MROH9: variants seen among roughly 807,000 people sequenced by gnomAD.
The protein encoded by MROH9 is maestro heat-like repeat-containing protein family member 9.
A neutral mutation model predicts 98.2 loss-of-function variants in MROH9; 92 were observed. The ratio of observed to expected loss-of-function variants is 0.94; its 90% CI spans 0.79 to 1.11. The LOEUF (loss-of-function observed/expected upper bound fraction) is 1.11, where lower values mean the gene tolerates loss of function less well. MROH9 is among the 50% of genes most tolerant of loss of function. The pLI is 0.00. For synonymous variants in MROH9, 397 were observed against 368.9 expected (o/e 1.08, Z -0.87); for missense variants, 1,057 against 1,014.8 (o/e 1.04, Z -0.57).
rs777986846 is a variant in MROH9 at position 170,983,548 on chromosome 1, C to T, written c.729+14C>T. ...AAAATAGCTCAGGTAACTTAGCCCC[C>T]ACTTTTTCCGAGGGCTTTTGTTTAT... is the stretch of plus-strand genomic sequence containing the variant. On this transcript the variant is annotated intron_variant, in intron 9 of 21. Coordinates refer to ENST00000367759, the MANE Select transcript of MROH9 (RefSeq NM_001163629.2). 2.7e-6 allele frequency: 4 copies of T among 1,498,374 alleles called. No individual in the cohort carries two copies. The highest frequency in any genetic ancestry group is 1.7e-4 in the Middle Eastern group (1 of 5,870). 92.8% of individuals were successfully genotyped at this position (1,498,374 alleles called of 1,614,324 possible).
In MROH9 at chr1:170,943,217, T is replaced by G. The variant is rs111636552; in HGVS notation, c.-37-2303T>G. 4.9e-3 allele frequency among the ~76,000 whole-genome samples: 743 copies of G among 152,136 alleles called. 8 individuals carry two copies. Among genetic ancestry groups the G allele is most frequent in the African/African-American group, 0.017 (707 of 41,512 alleles). On this transcript the variant is annotated intron_variant, in intron 1 of 21. Transcript: ENST00000367759. ...TAATGGAGTGATTTTATCTATAAAATGTGATTTCAAAGTAGATATATAAGA... is the reference window on the plus strand; with the variant it reads ...TAATGGAGTGATTTTATCTATAAAAGGTGATTTCAAAGTAGATATATAAGA...
intron 8 of MROH9, among the ~76,000 whole-genome samples, chr1:170,981,929 A>G (rs1207292862): frequency 6.6e-6 from 1 of 152,170 alleles, no homozygotes; most frequent in Non-Finnish European, 1.5e-5. Context: ...CTAAAATTAA[A>G]AAGACTGATT....
At chr1:171,018,363 A>C (rs374201602) in intron 17 of MROH9, among the ~76,000 whole-genome samples, 64 of 152,028 alleles carry the variant, frequency 4.2e-4, no homozygotes, top group African/African-American at 1.2e-3. Flanking sequence ...GCACCAACAA[A>C]AAAAAAAAAG....
intron 15 of MROH9, among the ~76,000 whole-genome samples, chr1:171,002,007 CTT>C (rs1469533275): frequency 6.6e-6 from 1 of 152,076 alleles, no homozygotes; most frequent in Non-Finnish European, 1.5e-5. Flanking sequence ...ATCTTTGTCT[CTT>C]TTAACCACTG....
chr1:170,994,582 C>T (rs947079984), intron 12 of MROH9, among the ~76,000 whole-genome samples: 5 of 152,036 alleles, frequency 3.3e-5, no homozygotes, highest in African/African-American at 7.2e-5. Flanking sequence ...GTACCCATCC[C>T]GTCAAGCATT....
At chr1:170,946,677 A>G (rs193179875) in intron 2 of MROH9, among the ~76,000 whole-genome samples, 125 of 152,134 alleles carry the variant, frequency 8.2e-4, no homozygotes, top group African/African-American at 3.0e-3. Context: ...TTTTTTTAAA[A>G]AAAGAATCAA....
chr1:171,001,461 T>C (rs1651779081), intron 15 of MROH9, among the ~76,000 whole-genome samples: 1 of 152,146 alleles, frequency 6.6e-6, no homozygotes. Flanking sequence ...TGTAATTCAG[T>C]GCAAAAACTT....
intron 20 of MROH9, among the ~76,000 whole-genome samples, chr1:171,055,128 C>A (rs74647449): frequency 0.025 from 3,833 of 151,446 alleles, 158 homozygotes; most frequent in African/African-American, 0.086. Flanking sequence ...CGTCAATCAA[C>A]AAATGGATAA....
chr1:170,972,134 G>A (rs1023401670), intron 8 of MROH9, among the ~76,000 whole-genome samples: 1 of 152,170 alleles, frequency 6.6e-6, no homozygotes, highest in African/African-American at 2.4e-5. Flanking sequence ...GTAGGGAGAG[G>A]AATGCTGGGT....
At chr1:170,998,872 C>T (rs911226884) in intron 15 of MROH9, 8 of 502,290 alleles carry the variant, frequency 1.6e-5, no homozygotes, top group Non-Finnish European at 1.8e-5. Flanking sequence ...AGGTGAAGTG[C>T]CCAATACTTT....
At chr1:171,049,227 A>G (rs540997564) in intron 20 of MROH9, among the ~76,000 whole-genome samples, 175 of 152,318 alleles carry the variant, frequency 1.1e-3, no homozygotes, top group Admixed American at 1.8e-3. Context: ...TCAGGTGAGC[A>G]TGCATAGTAC....
chr1:171,016,781 CAAAT>C (rs1363266131), intron 17 of MROH9, among the ~76,000 whole-genome samples: 5 of 151,910 alleles, frequency 3.3e-5, no homozygotes, highest in Non-Finnish European at 5.9e-5. Context: ...TGCCATGCCC[CAAAT>C]AAATGTTTGT....
chr1:171,010,425 G>A (rs1325508776), intron 15 of MROH9, among the ~76,000 whole-genome samples: 2 of 152,194 alleles, frequency 1.3e-5, no homozygotes, highest in Non-Finnish European at 2.9e-5. Context: ...AGAGTAGAAT[G>A]ACTTATAATC....
intron 8 of MROH9, among the ~76,000 whole-genome samples, chr1:170,977,248 A>G (rs930764047): frequency 6.6e-6 from 1 of 152,132 alleles, no homozygotes; most frequent in African/African-American, 2.4e-5. Context: ...ATTTCAGTCA[A>G]TCCAACCTGG....
At chr1:170,984,579 G>T (rs1447742359) in intron 9 of MROH9, among the ~76,000 whole-genome samples, 1 of 152,132 alleles carries the variant, frequency 6.6e-6, no homozygotes, top group Admixed American at 6.5e-5. Context: ...GAAATCCTGA[G>T]TACCATGACT....
intron 14 of MROH9, 58 bp from the exon 15 acceptor site, chr1:170,998,096 C>A (rs1246090118): frequency 1.2e-5 from 15 of 1,267,232 alleles, no homozygotes; most frequent in South Asian, 7.3e-5. Context: ...TCTCTCTTTG[C>A]CACTATTAGC....
chr1:170,992,067 A>G lies in MROH9; in HGVS notation c.1029-97A>G. On this transcript the variant is annotated intron_variant, in intron 11 of 21. Coordinates refer to ENST00000367759, the MANE Select transcript of MROH9 (RefSeq NM_001163629.2). ...TCTGCAGTGTCTTTGCTATATAAAA[A>G]TGTAAAACCAAGACTATTTTCCTGA... 2.3e-6 allele frequency: 3 copies of G among 1,317,262 alleles called. No homozygotes were observed. The South Asian group carries it at 5.3e-5, about 23-fold the overall frequency. 81.6% of individuals were successfully genotyped at this position (1,317,262 alleles called of 1,614,324 possible).
At chr1:170,985,952 CT>C (rs34229108) in intron 9 of MROH9, among the ~76,000 whole-genome samples, 79,107 of 150,156 alleles carry the variant, frequency 0.53, 21,132 homozygotes, top group East Asian at 0.65. Flanking sequence ...GGGAGAATGA[CT>C]TTTTTTTTTT....
intron 8 of MROH9, among the ~76,000 whole-genome samples, chr1:170,975,506 G>T (rs2101790374): frequency 6.6e-6 from 1 of 152,206 alleles, no homozygotes; most frequent in East Asian, 1.9e-4. Context: ...CACCTAAATA[G>T]TGTACATGTT....
Sources: allele counts gnomAD v4.1 joint callset (sites outside exome capture counted in the v4.1 genomes callset), GRCh38; gene constraint gnomAD v4.1.1; transcripts MANE v1.5; gene names NCBI Gene and HGNC (gene_info 2026-07-23, HGNC 2026-07-21).